ANK2: variants seen among roughly 807,000 people sequenced by gnomAD.
The protein encoded by ANK2 is ankyrin-2.
A neutral mutation model predicts 360.5 loss-of-function variants in ANK2; 83 were observed. The observed-to-expected ratio is 0.23, with a 90% CI of 0.19 to 0.28. The LOEUF (loss-of-function observed/expected upper bound fraction) is 0.28, where lower values mean the gene tolerates loss of function less well. Ranked by LOEUF, ANK2 falls within the 10% of genes least tolerant of loss-of-function variation. The pLI is 1.00. For synonymous variants in ANK2, 1,740 were observed against 1,759.5 expected (o/e 0.99, Z 0.28); for missense variants, 4,201 against 4,795.7 (o/e 0.88, Z 3.66).
intron 1 of ANK2, among the ~76,000 whole-genome samples, chr4:112,833,596 C>T (rs891008310): frequency 4.6e-5 from 7 of 152,026 alleles, no homozygotes; most frequent in South Asian, 4.1e-4. Flanking sequence ...CTCCGCCTCC[C>T]GGGTTCACGC....
At chr4:113,287,350 A>G (rs1422659878) in intron 18 of ANK2, among the ~76,000 whole-genome samples, 1 of 152,222 alleles carries the variant, frequency 6.6e-6, no homozygotes, top group Non-Finnish European at 1.5e-5. Context: ...GTCTCACATC[A>G]TAATATAAGA....
intron 2 of ANK2, among the ~76,000 whole-genome samples, chr4:113,004,546 A>G (rs1214285382): frequency 6.6e-6 from 1 of 152,162 alleles, no homozygotes; most frequent in Non-Finnish European, 1.5e-5. Flanking sequence ...ATCTCCTATG[A>G]CAACAACGCC....
At chr4:113,217,760 C>T (rs777740186) in intron 4 of ANK2, among the ~76,000 whole-genome samples, 7 of 152,016 alleles carry the variant, frequency 4.6e-5, no homozygotes, top group Admixed American at 6.6e-5. Context: ...GTTTCAGTAC[C>T]GGTTCATGGC....
At chr4:112,755,157 T>C in the ANK2 span, among the ~76,000 whole-genome samples, 8 of 152,322 alleles carry the variant, frequency 5.3e-5, no homozygotes, top group Admixed American at 1.3e-4. Context: ...CCATCATTAA[T>C]TTATTAAAGA....
chr4:112,723,895 C>T, the ANK2 span, among the ~76,000 whole-genome samples: 1 of 152,026 alleles, frequency 6.6e-6, no homozygotes, highest in East Asian at 1.9e-4. Context: ...CATTGCATTA[C>T]TAAAATTATA....
intron 1 of ANK2, among the ~76,000 whole-genome samples, chr4:113,066,106 C>T (rs2075502986): frequency 6.6e-6 from 1 of 152,184 alleles, no homozygotes; most frequent in Non-Finnish European, 1.5e-5. Context: ...CATATGTCCT[C>T]TAAAGGTGTT....
chr4:112,907,179 G>A (rs925345050), intron 2 of ANK2, among the ~76,000 whole-genome samples: 1 of 152,138 alleles, frequency 6.6e-6, no homozygotes, highest in African/African-American at 2.4e-5. Context: ...GGACAGTAGA[G>A]TTAGACTGAA....
Position 113,331,787 on chromosome 4 carries a change from G to A in ANK2, c.3126-185G>A, listed in dbSNP as rs541717387. Among the ~76,000 whole-genome samples the A allele has an allele frequency of 1.4e-4, 22 of 152,134 alleles. No homozygotes were observed. In the East Asian group the frequency reaches 2.9e-3, roughly 20 times the overall value. ...CTAAGTGCTCTCCTTGCACAGACGC[G>A]CCTCCATTGTACACTCTGGGTCTCG... On this transcript the variant is annotated intron_variant, in intron 27 of 45. Coordinates refer to ENST00000357077, the MANE Select transcript of ANK2 (RefSeq NM_001148.6).
rs553363771 is a variant in ANK2 at position 113,261,770 on chromosome 4, A to G, written c.1387-3127A>G. 7.9e-5 allele frequency among the ~76,000 whole-genome samples: 12 copies of G among 152,312 alleles called. 1 individual carries two copies. The East Asian group carries it at 9.6e-4, about 12-fold the overall frequency. The stretch of plus-strand genomic sequence containing the variant: ...AATTAGATTCTATATCTAACTCATC[A>G]ATTTCAAGTGTGTAAAACCCATAAA... On this transcript the variant is annotated intron_variant, in intron 13 of 45. Transcript: ENST00000357077.
the ANK2 span, chr4:112,798,516 C>G: frequency 6.6e-6 from 1 of 152,242 alleles, no homozygotes; most frequent in Non-Finnish European, 1.5e-5. Context: ...GAACTCCCAA[C>G]CTCAGGTGAT....
At chr4:112,842,900 A>AG (rs1306631958) in intron 1 of ANK2, among the ~76,000 whole-genome samples, 2 of 152,374 alleles carry the variant, frequency 1.3e-5, no homozygotes, top group Non-Finnish European at 2.9e-5. Flanking sequence ...GCTGAAAGCG[A>AG]GGTGCCCGCA....
chr4:113,079,903 T>C (rs1438419964), intron 1 of ANK2, among the ~76,000 whole-genome samples: 3 of 151,534 alleles, frequency 2.0e-5, no homozygotes, highest in Admixed American at 6.6e-5. Flanking sequence ...GAGAATTTTT[T>C]TTTTTTTTTT....
chr4:113,290,409 TTACTC>T (rs1348738443), intron 20 of ANK2, among the ~76,000 whole-genome samples: 5 of 152,168 alleles, frequency 3.3e-5, no homozygotes, highest in African/African-American at 7.2e-5. Flanking sequence ...TACATTAACT[TTACTC>T]TGTAAACTCT....
intron 1 of ANK2, among the ~76,000 whole-genome samples, chr4:112,901,974 T>C (rs1198845233): frequency 6.6e-6 from 1 of 152,150 alleles, no homozygotes; most frequent in Non-Finnish European, 1.5e-5. Context: ...ATTGTGAATC[T>C]GAAGGCAGCC....
intron 20 of ANK2, among the ~76,000 whole-genome samples, chr4:113,289,773 G>T (rs2066636792): frequency 6.6e-6 from 1 of 151,982 alleles, no homozygotes; most frequent in Non-Finnish European, 1.5e-5. Flanking sequence ...TCTTACTCTA[G>T]CAAGAATAGC....
chr4:113,200,275 A>G (rs17045741), intron 4 of ANK2, among the ~76,000 whole-genome samples: 7,354 of 152,270 alleles, frequency 0.048, 222 homozygotes, highest in African/African-American at 0.079. Flanking sequence ...TATTTTATAA[A>G]GTATAACAGC....
chr4:113,175,322 T>G lies in ANK2; in HGVS notation c.186+805T>G, dbSNP rs139842979. On this transcript the variant is annotated intron_variant, in intron 2 of 45. Coordinates refer to ENST00000357077, the MANE Select transcript of ANK2 (RefSeq NM_001148.6). Reference sequence around the variant, plus strand: ...TATATTGAACCCAGTTATGTTTACTTTATAGACCACTGAAATTAATAAATC... The same window carrying G: ...TATATTGAACCCAGTTATGTTTACTGTATAGACCACTGAAATTAATAAATC... 4.3e-3 allele frequency among the ~76,000 whole-genome samples: 653 copies of G among 152,342 alleles called. 4 individuals are homozygous for G. Among genetic ancestry groups the G allele is most frequent in the African/African-American group, 0.015 (619 of 41,582 alleles).
chr4:112,751,808 G>A, the ANK2 span, among the ~76,000 whole-genome samples: 1 of 152,184 alleles, frequency 6.6e-6, no homozygotes, highest in Non-Finnish European at 1.5e-5. Context: ...GACTTAAGAA[G>A]TGGGGGAAAA....
chr4:113,194,493 A>G (rs1356253576), intron 2 of ANK2, among the ~76,000 whole-genome samples: 1 of 152,212 alleles, frequency 6.6e-6, no homozygotes, highest in Non-Finnish European at 1.5e-5. Flanking sequence ...AAATCTGATT[A>G]TGAACAAAAT....
Sources: allele counts gnomAD v4.1 joint callset (sites outside exome capture counted in the v4.1 genomes callset), GRCh38; gene constraint gnomAD v4.1.1; transcripts MANE v1.5; gene names NCBI Gene and HGNC (gene_info 2026-07-23, HGNC 2026-07-21).